Variants in ACYP2 observed in about 807,000 individuals in gnomAD.
ACYP2 encodes acylphosphatase 2.
ACYP2 carries 12 observed loss-of-function variants against 11.2 expected under a neutral mutation model. The ratio of observed to expected loss-of-function variants is 1.08; its 90% CI spans 0.69 to 1.74. The LOEUF (loss-of-function observed/expected upper bound fraction) is 1.74, where lower values mean the gene tolerates loss of function less well. ACYP2 is among the 40% of genes most tolerant of loss of function. The probability of loss-of-function intolerance (pLI) is 0.00; values close to 1 mark genes in which losing one functional copy is unlikely to be tolerated. For synonymous variants in ACYP2, 43 were observed against 32.2 expected (o/e 1.33, Z -1.13); for missense variants, 134 against 101.9 (o/e 1.31, Z -1.35).
At chr2:54,278,390 G>T (rs1403585470) in intron 6 of ACYP2, among the ~76,000 whole-genome samples, 1 of 152,098 alleles carries the variant, frequency 6.6e-6, no homozygotes, top group Non-Finnish European at 1.5e-5. Context: ...CTGAAGCCAG[G>T]GTTACATCTT....
chr2:54,285,905 A>T (rs1689057998), intron 6 of ACYP2, among the ~76,000 whole-genome samples: 1 of 152,154 alleles, frequency 6.6e-6, no homozygotes. Context: ...TGGAGTGGTG[A>T]GTTGGAAAGG....
chr2:54,262,890 G>A (rs1687843723), intron 6 of ACYP2, among the ~76,000 whole-genome samples: 1 of 152,036 alleles, frequency 6.6e-6, no homozygotes, highest in Non-Finnish European at 1.5e-5. Flanking sequence ...TTTATTGAAC[G>A]GTCTTTGAAG....
chr2:53,980,509 G>T (rs1046478614), intron 2 of ACYP2, among the ~76,000 whole-genome samples: 1 of 152,028 alleles, frequency 6.6e-6, no homozygotes, highest in African/African-American at 2.4e-5. Flanking sequence ...CTTGAGCTAG[G>T]AGTTCAAGAT....
chr2:54,209,259 C>T (rs1179593021), intron 6 of ACYP2, among the ~76,000 whole-genome samples: 2 of 151,968 alleles, frequency 1.3e-5, no homozygotes, highest in Non-Finnish European at 2.9e-5. Context: ...ATATTGCTTT[C>T]TGACTCTTGG....
chr2:53,973,259 G>T (rs187546567), intron 1 of ACYP2, among the ~76,000 whole-genome samples: 13 of 152,244 alleles, frequency 8.5e-5, no homozygotes, highest in African/African-American at 2.2e-4. Flanking sequence ...AAGGACAAAT[G>T]GGAAGTGAAT....
chr2:54,176,107 TGTTTATATAAA>T (rs957205428), intron 6 of ACYP2, among the ~76,000 whole-genome samples: 6 of 152,298 alleles, frequency 3.9e-5, no homozygotes, highest in Non-Finnish European at 7.4e-5. Context: ...ATGTTTCTGT[TGTTTATATAAA>T]GTACCCAGTC....
chr2:54,170,141 C>T (rs568200288), intron 6 of ACYP2, among the ~76,000 whole-genome samples: 1 of 152,138 alleles, frequency 6.6e-6, no homozygotes, highest in African/African-American at 2.4e-5. Flanking sequence ...AGGAATCTGG[C>T]TCCAGTTGTT....
intron 4 of ACYP2, among the ~76,000 whole-genome samples, chr2:54,101,309 A>G (rs1678878953): frequency 6.6e-6 from 1 of 152,128 alleles, no homozygotes; most frequent in Admixed American, 6.5e-5. Context: ...CAACTTCATG[A>G]CAGTTGTTTT....
intron 4 of ACYP2, among the ~76,000 whole-genome samples, chr2:54,127,520 A>C (rs1680601781): frequency 6.6e-6 from 1 of 152,138 alleles, no homozygotes; most frequent in Non-Finnish European, 1.5e-5. Context: ...TCATGAGGTC[A>C]GGAGATTGAG....
At chr2:54,091,338 G>T (rs947141736) in intron 4 of ACYP2, among the ~76,000 whole-genome samples, 3 of 151,744 alleles carry the variant, frequency 2.0e-5, no homozygotes, top group Non-Finnish European at 4.4e-5. Flanking sequence ...TTCTAACATG[G>T]AAAAAAGATG....
chr2:54,248,364 C>T (rs1687058039), intron 6 of ACYP2, among the ~76,000 whole-genome samples: 1 of 152,138 alleles, frequency 6.6e-6, no homozygotes, highest in African/African-American at 2.4e-5. Context: ...ACATACGATT[C>T]CTACTCTACA....
At chr2:54,205,753 A>C (rs1398614719) in intron 6 of ACYP2, among the ~76,000 whole-genome samples, 3 of 152,094 alleles carry the variant, frequency 2.0e-5, no homozygotes, top group African/African-American at 7.2e-5. Flanking sequence ...ACCCCTCTGA[A>C]GTTCAACTTT....
At chr2:54,170,176 A>C (rs2103847701) in intron 6 of ACYP2, among the ~76,000 whole-genome samples, 1 of 152,246 alleles carries the variant, frequency 6.6e-6, no homozygotes, top group East Asian at 1.9e-4. Context: ...ATTTTGAGAC[A>C]GACTCTCACT....
chr2:54,023,495 C>G (rs1319357090), intron 2 of ACYP2, among the ~76,000 whole-genome samples: 1 of 152,142 alleles, frequency 6.6e-6, no homozygotes, highest in African/African-American at 2.4e-5. Flanking sequence ...TTGAGAATTT[C>G]AGGTGCTTTA....
chr2:54,000,669 C>T (rs1672756852), intron 2 of ACYP2, among the ~76,000 whole-genome samples: 1 of 152,176 alleles, frequency 6.6e-6, no homozygotes, highest in Admixed American at 6.5e-5. Flanking sequence ...GTTGGAGTTG[C>T]AACAGGTTTT....
At chr2:53,996,120 G>A (rs1222346241) in intron 2 of ACYP2, among the ~76,000 whole-genome samples, 1 of 151,598 alleles carries the variant, frequency 6.6e-6, no homozygotes, top group Non-Finnish European at 1.5e-5. Flanking sequence ...GGCAACAAGA[G>A]CGAAACTCTG....
chr2:54,162,552 G>A (rs771617153), intron 6 of ACYP2, among the ~76,000 whole-genome samples: 3 of 152,004 alleles, frequency 2.0e-5, no homozygotes, highest in African/African-American at 4.8e-5. Flanking sequence ...GCAGATTCTC[G>A]GCTCCCACCC....
Position 54,037,140 on chromosome 2 carries a change from T to A in ACYP2, c.63-13818T>A, listed in dbSNP as rs1303741214. Among the ~76,000 whole-genome samples, 7 of 152,220 alleles carry A rather than the reference T, an allele frequency of 4.6e-5. No homozygotes were observed. The East Asian group carries it at 1.3e-3, about 29-fold the overall frequency. ...TTTTGTTTTGTTTTTTAAGACAGAA[T>A]CTCGCTCTGTCACCCAGGTTGGAGT... On this transcript the variant is annotated intron_variant, in intron 2 of 6. Coordinates refer to ENST00000607452, the MANE Select transcript of ACYP2 (RefSeq NM_001320586.2).
At chr2:53,975,840 A>C (rs1376193048) in intron 2 of ACYP2, among the ~76,000 whole-genome samples, 1 of 151,864 alleles carries the variant, frequency 6.6e-6, no homozygotes, top group Non-Finnish European at 1.5e-5. Context: ...ACAAACAAAC[A>C]AAAAAAACAG....
Sources: gnomAD v4.1 joint callset for allele counts (sites outside exome capture counted in the v4.1 genomes callset) on GRCh38, gnomAD v4.1.1 for gene constraint, MANE v1.5 for transcripts, NCBI Gene and HGNC (gene_info 2026-07-23, HGNC 2026-07-21) for gene names.